KANK1: variants seen among roughly 807,000 people sequenced by gnomAD.
KANK1 encodes KN motif and ankyrin repeat domains 1.
In KANK1, 109 loss-of-function variants were observed where a neutral mutation model predicts 106.2. That is an observed-to-expected ratio of 1.03 (90% CI 0.88 to 1.20). The LOEUF is 1.20. Among genes scored for constraint, KANK1 ranks in the 50% most tolerant of loss-of-function variants. The probability of loss-of-function intolerance (pLI) is 0.00; values close to 1 mark genes in which losing one functional copy is unlikely to be tolerated. For synonymous variants in KANK1, 873 were observed against 652.2 expected (o/e 1.34, Z -5.16); for missense variants, 2,399 against 1,710.7 (o/e 1.40, Z -7.10).
At chr9:743,427 C>T (rs917518097) in intron 10 of KANK1, among the ~76,000 whole-genome samples, 4 of 152,204 alleles carry the variant, frequency 2.6e-5, no homozygotes, top group African/African-American at 4.8e-5. Flanking sequence ...TTCTTTCTTC[C>T]AGAAGAGTTT....
intron 1 of KANK1, among the ~76,000 whole-genome samples, chr9:590,708 G>C (rs1210441569): frequency 2.0e-5 from 3 of 150,302 alleles, no homozygotes; most frequent in Non-Finnish European, 4.4e-5. Flanking sequence ...GCTTTTCTCA[G>C]TTGAAAATTA....
chr9:653,655 G>A (rs7863869), intron 1 of KANK1, among the ~76,000 whole-genome samples: 27,581 of 152,020 alleles, frequency 0.18, 2,752 homozygotes, highest in East Asian at 0.32. Flanking sequence ...CCTGGGTTCT[G>A]AATGTCCTTT....
intron 1 of KANK1, among the ~76,000 whole-genome samples, chr9:633,047 C>G (rs1183724661): frequency 6.6e-6 from 1 of 152,150 alleles, no homozygotes; most frequent in Non-Finnish European, 1.5e-5. Flanking sequence ...GGCCCCCTCC[C>G]TCCACATCTT....
chr9:696,590 C>T (rs1279415930), intron 2 of KANK1, among the ~76,000 whole-genome samples: 1 of 151,930 alleles, frequency 6.6e-6, no homozygotes, highest in Non-Finnish European at 1.5e-5. Flanking sequence ...GATAGATAAG[C>T]TTGAAAATTT....
At chr9:612,133 G>A (rs1830707339) in intron 1 of KANK1, among the ~76,000 whole-genome samples, 1 of 152,132 alleles carries the variant, frequency 6.6e-6, no homozygotes, top group Non-Finnish European at 1.5e-5. Flanking sequence ...CCCACACAAA[G>A]CCACCTATGC....
intron 1 of KANK1, among the ~76,000 whole-genome samples, chr9:592,760 G>A (rs754767174): frequency 1.8e-4 from 28 of 151,878 alleles, no homozygotes; most frequent in Non-Finnish European, 1.8e-4. Context: ...CAAATGAATA[G>A]CCACCTGCAA....
At chr9:599,116 T>A (rs1827078526) in intron 1 of KANK1, among the ~76,000 whole-genome samples, 1 of 147,580 alleles carries the variant, frequency 6.8e-6, no homozygotes, top group South Asian at 2.1e-4. Flanking sequence ...CCTCCCAGGG[T>A]CAAGCAATTC....
intron 3 of KANK1, among the ~76,000 whole-genome samples, chr9:724,277 C>T (rs1830113605): frequency 6.6e-6 from 1 of 152,036 alleles, no homozygotes; most frequent in South Asian, 2.1e-4. Context: ...GCTGTTGCTT[C>T]AAAATAATCC....
chr9:649,779 A>G (rs1344900419), intron 1 of KANK1, among the ~76,000 whole-genome samples: 1 of 152,148 alleles, frequency 6.6e-6, no homozygotes. Flanking sequence ...TCATTCACCC[A>G]TGGCAGCCAA....
At chr9:585,494 G>A (rs1823235410) in intron 1 of KANK1, among the ~76,000 whole-genome samples, 1 of 152,110 alleles carries the variant, frequency 6.6e-6, no homozygotes, top group Admixed American at 6.5e-5. Flanking sequence ...CTTACCTTAA[G>A]GCACAAAGGC....
intron 1 of KANK1, among the ~76,000 whole-genome samples, chr9:637,930 C>T (rs1043173202): frequency 2.6e-5 from 4 of 152,266 alleles, no homozygotes; most frequent in South Asian, 2.1e-4. Context: ...CCATCAGAGA[C>T]TCTGGTTCCT....
At chr9:695,952 A>C (rs1821160387) in intron 2 of KANK1, among the ~76,000 whole-genome samples, 1 of 152,080 alleles carries the variant, frequency 6.6e-6, no homozygotes. Context: ...AGCAGATACT[A>C]AGAGGGCCAT....
chr9:621,398 G>A (rs1833111976), intron 1 of KANK1, among the ~76,000 whole-genome samples: 1 of 152,006 alleles, frequency 6.6e-6, no homozygotes, highest in African/African-American at 2.4e-5. Context: ...ACGTAATACT[G>A]ACTTGGCAAG....
chr9:722,331 G>C (rs1372861500), intron 3 of KANK1, among the ~76,000 whole-genome samples: 4 of 150,934 alleles, frequency 2.7e-5, no homozygotes, highest in Non-Finnish European at 4.4e-5. Context: ...CTCTCTCTCT[G>C]TCTCTCTGTC....
At chr9:616,534 T>C (rs1588282711) in intron 1 of KANK1, among the ~76,000 whole-genome samples, 1 of 152,340 alleles carries the variant, frequency 6.6e-6, no homozygotes, top group East Asian at 1.9e-4. Flanking sequence ...ACTTGATACC[T>C]ACCAAATTTC....
At chr9:550,021 A>G (rs1052574128) in intron 1 of KANK1, among the ~76,000 whole-genome samples, 1 of 152,100 alleles carries the variant, frequency 6.6e-6, no homozygotes, top group Admixed American at 6.5e-5. Context: ...GGTCCTTTCC[A>G]CATAACTGAC....
chr9:516,092 GA>G (rs2059266438), intron 1 of KANK1, among the ~76,000 whole-genome samples: 1 of 151,510 alleles, frequency 6.6e-6, no homozygotes, highest in South Asian at 2.1e-4. Flanking sequence ...GTGTATTGCT[GA>G]TCAGGGGACA....
chr9:699,897 G>A (rs1000531434), intron 2 of KANK1, among the ~76,000 whole-genome samples: 2 of 152,122 alleles, frequency 1.3e-5, no homozygotes, highest in African/African-American at 2.4e-5. Flanking sequence ...CAGGAGGATC[G>A]CTTGAGCTGG....
chr9:654,925 G>A (rs1056440235), intron 1 of KANK1, among the ~76,000 whole-genome samples: 22 of 151,928 alleles, frequency 1.4e-4, no homozygotes, highest in African/African-American at 2.9e-4. Flanking sequence ...TGCTGATCTC[G>A]GAACACGTTT....
Sources: allele counts gnomAD v4.1 joint callset (sites outside exome capture counted in the v4.1 genomes callset), GRCh38; gene constraint gnomAD v4.1.1; transcripts MANE v1.5; gene names NCBI Gene and HGNC (gene_info 2026-07-23, HGNC 2026-07-21).